METTL8: variants seen among roughly 807,000 people sequenced by gnomAD.
METTL8 encodes methyltransferase 8, tRNA N3-cytidine, also known as tRNA N(3)-cytidine methyltransferase METTL8, mitochondrial.
Under a neutral mutation model 48.7 loss-of-function variants are expected in METTL8, and 32 were observed. The observed-to-expected ratio is 0.66, with a 90% CI of 0.50 to 0.88. The LOEUF (loss-of-function observed/expected upper bound fraction) is 0.88. Among genes scored for constraint, METTL8 ranks in the 40% least tolerant of loss-of-function variants. METTL8 has a pLI of 0.00. For missense variants in METTL8, 464 were observed against 474.4 expected, an observed-to-expected ratio of 0.98 and a Z score of 0.20; for synonymous variants, 136 against 157.1, an observed-to-expected ratio of 0.87 and a Z score of 1.01.
chr2:171,433,568 A>G (rs1214262905), intron 1 of METTL8, among the ~76,000 whole-genome samples: 1 of 152,186 alleles, frequency 6.6e-6, no homozygotes, highest in Non-Finnish European at 1.5e-5. Context: ...CTAGTTAACA[A>G]AGTATATCTT....
At chr2:171,411,321 CA>C (rs1442197133) in intron 1 of METTL8, among the ~76,000 whole-genome samples, 1 of 152,144 alleles carries the variant, frequency 6.6e-6, no homozygotes, top group Non-Finnish European at 1.5e-5. Flanking sequence ...GACAAATAAA[CA>C]TGCAGGAAGC....
intron 3 of METTL8, among the ~76,000 whole-genome samples, chr2:171,353,904 T>C (rs1684235781): frequency 6.6e-6 from 1 of 152,190 alleles, no homozygotes; most frequent in South Asian, 2.1e-4. Flanking sequence ...GGGTCTTGAC[T>C]CTGTATCCAA....
intron 2 of METTL8, among the ~76,000 whole-genome samples, chr2:171,390,697 A>G (rs1288628607): frequency 6.6e-6 from 1 of 152,230 alleles, no homozygotes; most frequent in Non-Finnish European, 1.5e-5. Context: ...CAATCTCATG[A>G]TAAAACTTGA....
chr2:171,384,317 G>A (rs1687842283), intron 2 of METTL8, among the ~76,000 whole-genome samples: 1 of 152,114 alleles, frequency 6.6e-6, no homozygotes, highest in Non-Finnish European at 1.5e-5. Flanking sequence ...AGACCAGCAT[G>A]GGCAACATGG....
intron 1 of METTL8, among the ~76,000 whole-genome samples, chr2:171,395,875 C>T (rs80096964): frequency 0.031 from 4,760 of 152,208 alleles, 83 homozygotes; most frequent in East Asian, 0.051. Context: ...ATAGAAAGAA[C>T]ATCATACAGC....
chr2:171,349,454 G>A (rs762842776), intron 3 of METTL8, among the ~76,000 whole-genome samples: 4 of 152,134 alleles, frequency 2.6e-5, no homozygotes, highest in Non-Finnish European at 4.4e-5. Context: ...TTAGCATCAC[G>A]TCCTCAAGGT....
chr2:171,355,026 T>C (rs955264285), intron 3 of METTL8, among the ~76,000 whole-genome samples: 138 of 152,350 alleles, frequency 9.1e-4, no homozygotes, highest in Non-Finnish European at 5.3e-4. Context: ...CCGCGTTCCT[T>C]TGGAGGAGAA....
At chr2:171,406,728 A>G (rs1291261042) in intron 1 of METTL8, among the ~76,000 whole-genome samples, 1 of 152,160 alleles carries the variant, frequency 6.6e-6, no homozygotes, top group Non-Finnish European at 1.5e-5. Flanking sequence ...AACAAAAGCC[A>G]CCTTGGAGCC....
At chr2:171,387,553 ATT>A (rs562737170) in intron 2 of METTL8, among the ~76,000 whole-genome samples, 1 of 149,870 alleles carries the variant, frequency 6.7e-6, no homozygotes, top group Non-Finnish European at 1.5e-5. Context: ...TAAAAAAAAA[ATT>A]TTTTTTTAAA....
In METTL8 at chr2:171,365,009, A is replaced by G. The variant is rs528537919; in HGVS notation, c.144-4496T>C. Among the ~76,000 whole-genome samples, 10 of 152,284 alleles carry G rather than the reference A, an allele frequency of 6.6e-5. No individual in the cohort carries two copies. In the East Asian group the frequency reaches 1.9e-3, roughly 29 times the overall value. On this transcript the variant is annotated intron_variant, in intron 2 of 9. Transcript: ENST00000375258. The stretch of plus-strand genomic sequence containing the variant: ...TTACTTTCAGCCTAAAACGATTTCA[A>G]TAATTCTTAATTCTATAACAAAGTG...
intron 3 of METTL8, among the ~76,000 whole-genome samples, chr2:171,340,319 T>C (rs1265373675): frequency 6.6e-6 from 1 of 150,752 alleles, no homozygotes; most frequent in Non-Finnish European, 1.5e-5. Flanking sequence ...CTGGCCAACA[T>C]GTTGAAACTC....
At chr2:171,374,936 T>C (rs750145321) in intron 2 of METTL8, 44 of 1,252,752 alleles carry the variant, frequency 3.5e-5, no homozygotes, top group Non-Finnish European at 5.0e-5. Flanking sequence ...GCTCCTTACA[T>C]GGGCTTTGGT....
At chr2:171,398,818 T>C (rs749263052) in intron 1 of METTL8, among the ~76,000 whole-genome samples, 1 of 152,050 alleles carries the variant, frequency 6.6e-6, no homozygotes, top group Non-Finnish European at 1.5e-5. Flanking sequence ...GTACCTTATA[T>C]ATACAATTAA....
chr2:171,383,018 G>A (rs1687719311), intron 2 of METTL8, among the ~76,000 whole-genome samples: 1 of 152,104 alleles, frequency 6.6e-6, no homozygotes, highest in Non-Finnish European at 1.5e-5. Context: ...AGTTTGCAGT[G>A]AGCTGAGATC....
chr2:171,391,615 A>T (rs1688584413), intron 2 of METTL8, among the ~76,000 whole-genome samples: 1 of 152,212 alleles, frequency 6.6e-6, no homozygotes, highest in African/African-American at 2.4e-5. Flanking sequence ...GAAAGCATAG[A>T]CGAGAATCAT....
At chr2:171,412,782 G>A (rs1690885900) in intron 1 of METTL8, among the ~76,000 whole-genome samples, 1 of 150,566 alleles carries the variant, frequency 6.6e-6, no homozygotes, top group Non-Finnish European at 1.5e-5. Context: ...AATAAAAATT[G>A]TTTTCACAGA....
In METTL8 at chr2:171,339,132, T is replaced by C. The variant is rs372386944; in HGVS notation, c.606+52A>G. ...ATTTTTAATAAAATAATACAGAATGTACATTTTCAAATTATTTGTCACCTC... is the reference window on the plus strand; with the variant it reads ...ATTTTTAATAAAATAATACAGAATGCACATTTTCAAATTATTTGTCACCTC... On this transcript the variant is annotated intron_variant, in intron 4 of 9. Transcript: ENST00000375258. 747 of 1,395,762 alleles carry C rather than the reference T, an allele frequency of 5.4e-4. 2 individuals are homozygous for C. In the South Asian group the frequency reaches 5.9e-3, roughly 11 times the overall value. The allele number at this position is 1,395,762 out of a possible 1,614,324, so 86.5% of individuals were successfully genotyped here.
At chr2:171,365,579 G>C (rs1205598619) in intron 2 of METTL8, among the ~76,000 whole-genome samples, 1 of 152,074 alleles carries the variant, frequency 6.6e-6, no homozygotes, top group Non-Finnish European at 1.5e-5. Flanking sequence ...ACTGGAATCT[G>C]GGTACCCGCC....
chr2:171,355,561 C>T (rs922341931), intron 3 of METTL8, among the ~76,000 whole-genome samples: 1 of 152,156 alleles, frequency 6.6e-6, no homozygotes, highest in African/African-American at 2.4e-5. Context: ...GCCCTGCCCC[C>T]AGAGGTGGAG....
Sources: gnomAD v4.1 joint callset for allele counts (sites outside exome capture counted in the v4.1 genomes callset) on GRCh38, gnomAD v4.1.1 for gene constraint, MANE v1.5 for transcripts, NCBI Gene and HGNC (gene_info 2026-07-23, HGNC 2026-07-21) for gene names.